PCLO: variants seen among roughly 807,000 people sequenced by gnomAD.
PCLO encodes piccolo presynaptic cytomatrix protein.
PCLO carries 82 observed loss-of-function variants against 427.5 expected under a neutral mutation model. That is an observed-to-expected ratio of 0.19 (90% confidence interval 0.16 to 0.23). The LOEUF is 0.23. Among genes scored for constraint, PCLO ranks in the 10% least tolerant of loss-of-function variants. PCLO has a pLI of 1.00. For missense variants in PCLO, 6,239 were observed against 6,115.9 expected (o/e 1.02, Z -0.67); for synonymous variants, 2,357 against 2,155.4 (o/e 1.09, Z -2.59).
intron 3 of PCLO, among the ~76,000 whole-genome samples, chr7:83,127,204 T>C (rs931782133): frequency 6.6e-6 from 1 of 152,032 alleles, no homozygotes; most frequent in African/African-American, 2.4e-5. Flanking sequence ...ACCTTATAAA[T>C]ACAATGAGGT....
chr7:82,854,659 T>C (rs1278227126), intron 10 of PCLO, among the ~76,000 whole-genome samples: 2 of 152,270 alleles, frequency 1.3e-5, no homozygotes, highest in Admixed American at 1.3e-4. Flanking sequence ...GATAATATAC[T>C]CTGTTTCCAT....
At chr7:82,978,966 CA>C (rs779490546) in intron 3 of PCLO, among the ~76,000 whole-genome samples, 21 of 150,990 alleles carry the variant, frequency 1.4e-4, no homozygotes, top group Non-Finnish European at 2.5e-4. Context: ...AGAATGAAAA[CA>C]ATGTATAATT....
chr7:82,769,114 C>T (rs565447442), intron 22 of PCLO, among the ~76,000 whole-genome samples: 10 of 152,148 alleles, frequency 6.6e-5, no homozygotes, highest in South Asian at 2.1e-4. Flanking sequence ...AATAAGATTG[C>T]GAAAACACTG....
intron 6 of PCLO, among the ~76,000 whole-genome samples, chr7:82,919,580 C>T (rs990639245): frequency 4.6e-5 from 7 of 151,838 alleles, no homozygotes; most frequent in African/African-American, 1.5e-4. Context: ...AATCTCTGTT[C>T]CAAACCTAAA....
At chr7:83,112,014 T>A (rs2116526658) in intron 3 of PCLO, among the ~76,000 whole-genome samples, 1 of 150,916 alleles carries the variant, frequency 6.6e-6, no homozygotes, top group South Asian at 2.1e-4. Context: ...GACAGAGTAT[T>A]TTAATTAGGA....
chr7:82,860,317 A>G (rs1792920508), intron 10 of PCLO, among the ~76,000 whole-genome samples: 1 of 151,378 alleles, frequency 6.6e-6, no homozygotes, highest in Admixed American at 6.6e-5. Flanking sequence ...GCAGCAAGAG[A>G]AAAAAAAATA....
At chr7:82,969,847 T>G (rs559311780) in intron 3 of PCLO, among the ~76,000 whole-genome samples, 5 of 152,238 alleles carry the variant, frequency 3.3e-5, no homozygotes, top group African/African-American at 9.6e-5. Context: ...AAGAGAGAGA[T>G]ACCACTTCTA....
chr7:82,949,161 G>T (rs985785515), intron 6 of PCLO, among the ~76,000 whole-genome samples: 15 of 152,072 alleles, frequency 9.9e-5, no homozygotes. Flanking sequence ...ATAAGAATAA[G>T]ACTTTCAATT....
chr7:83,023,054 T>G (rs1208471651), intron 3 of PCLO, among the ~76,000 whole-genome samples: 2 of 152,216 alleles, frequency 1.3e-5, no homozygotes, highest in Non-Finnish European at 2.9e-5. Flanking sequence ...TCTGTACATG[T>G]ATAATCAAAT....
chr7:82,824,150 G>A, intron 19 of PCLO, 86 bp downstream of exon 19: 1 of 870,406 alleles, frequency 1.1e-6, no homozygotes. Context: ...ATTAATATAG[G>A]TTAAATGTAC....
intron 3 of PCLO, among the ~76,000 whole-genome samples, chr7:83,096,767 ATATAT>A (rs1413859221): frequency 1.4e-5 from 1 of 73,454 alleles, no homozygotes; most frequent in African/African-American, 4.9e-5. Context: ...TAAATATATT[ATATAT>A]TATATAATAT....
rs1788623448 is a variant in PCLO at position 83,030,104 on chromosome 7, A to T, written c.3301-63617T>A. ...TGTGCACATGTACCCTAAAACTTAA[A>T]GTATAATAATAAAAGAAAAAAAAAA... On this transcript the variant is annotated intron_variant, in intron 3 of 24. Coordinates refer to ENST00000333891, the MANE Select transcript of PCLO (RefSeq NM_033026.6). 2.1e-5 allele frequency among the ~76,000 whole-genome samples: 3 copies of T among 142,664 alleles called. No homozygotes were observed. In the Admixed American group the frequency reaches 2.1e-4, roughly 10 times the overall value. The allele number at this position is 142,664 out of a possible 152,430, so 93.6% of individuals were successfully genotyped here. A position where few individuals can be genotyped will look rare whatever the true frequency, so the allele number is the denominator to read the frequency against.
intron 1 of PCLO, among the ~76,000 whole-genome samples, chr7:83,160,114 T>C (rs1227982937): frequency 6.6e-6 from 1 of 152,134 alleles, no homozygotes; most frequent in African/African-American, 2.4e-5. Flanking sequence ...ATTTGTAGGG[T>C]TTGTGTAAAT....
chr7:83,158,239 C>T (rs1168152591), intron 1 of PCLO, among the ~76,000 whole-genome samples: 1 of 152,128 alleles, frequency 6.6e-6, no homozygotes, highest in Non-Finnish European at 1.5e-5. Flanking sequence ...AAAAGTGTTA[C>T]CCTAGTTAAT....
chr7:83,092,555 T>G (rs2116444358), intron 3 of PCLO, among the ~76,000 whole-genome samples: 1 of 152,220 alleles, frequency 6.6e-6, no homozygotes, highest in South Asian at 2.1e-4. Flanking sequence ...TCTCAGATCT[T>G]TTTCTAATGT....
chr7:82,812,912 GA>G (rs201636362), intron 20 of PCLO, among the ~76,000 whole-genome samples: 1,823 of 146,074 alleles, frequency 0.012, 18 homozygotes, highest in Non-Finnish European at 0.019. Context: ...GACAATTGGA[GA>G]AAAAAAAAAC....
chr7:82,992,152 A>C (rs564140336), intron 3 of PCLO, among the ~76,000 whole-genome samples: 26 of 152,284 alleles, frequency 1.7e-4, no homozygotes, highest in African/African-American at 6.3e-4. Context: ...CTGAGTGACT[A>C]ACAATGGTAA....
At position 82,955,134 on chromosome 7, in the gene PCLO, A is replaced by C; in HGVS notation, c.5819T>G (p.Val1940Gly). Residue 1940 changes from valine to glycine, a missense_variant, in exon 5 of 25, where the codon GTG becomes GGG. Physicochemically the swap from Val to Gly is moderately radical, Grantham distance 109. Transcript: ENST00000333891. Reference protein sequence around the residue: ...AFPAANERDEVFEKEPLYGGM... With the variant: ...AFPAANERDEGFEKEPLYGGM... Reference sequence around the variant, plus strand: ...ACCATACAAAGGCTCTTTTTCAAACACTTCATCTCGTTCATTTGCAGCTGG... The same window carrying C: ...ACCATACAAAGGCTCTTTTTCAAACCCTTCATCTCGTTCATTTGCAGCTGG... 8.3e-6 allele frequency: 13 copies of C among 1,574,250 alleles called. No individual in the cohort carries two copies. Among genetic ancestry groups the C allele is most frequent in the South Asian group, 1.1e-5 (1 of 90,196 alleles).
At position 82,954,886 on chromosome 7, in the gene PCLO, C is replaced by A; in HGVS notation, c.6067G>T (p.Val2023Phe). 6.2e-7 allele frequency: 1 copy of A among 1,613,938 alleles called. No homozygotes were observed. The highest frequency in any genetic ancestry group is 8.5e-7 in the Non-Finnish European group (1 of 1,179,846). Residue 2023 changes from valine to phenylalanine, a missense_variant, in exon 5 of 25, where the codon GTT becomes TTT. Physicochemically the swap from Val to Phe is conservative, Grantham distance 50. Transcript: ENST00000333891. ...EFYELESLHS[V>F]VPQEDIVSSS... ...GAAACAATATCTTCCTGAGGCACAA[C>A]AGAATGTAAGCTTTCTAACTCATAA...
Sources: gnomAD v4.1 joint callset for allele counts (sites outside exome capture counted in the v4.1 genomes callset) on GRCh38, gnomAD v4.1.1 for gene constraint, MANE v1.5 for transcripts, NCBI Gene and HGNC (gene_info 2026-07-23, HGNC 2026-07-21) for gene names.